NUBPL: variants seen among roughly 807,000 people sequenced by gnomAD.
NUBPL encodes the protein NUBP iron-sulfur cluster assembly factor, mitochondrial, also known as iron-sulfur cluster transfer protein NUBPL.
Under a neutral mutation model 45.7 loss-of-function variants are expected in NUBPL, and 31 were observed. The observed-to-expected ratio is 0.68, with a 90% confidence interval of 0.51 to 0.92. The LOEUF (loss-of-function observed/expected upper bound fraction) is 0.92. Among genes scored for constraint, NUBPL ranks in the 40% least tolerant of loss-of-function variants. NUBPL has a pLI of 0.00. For synonymous variants in NUBPL, 144 were observed against 140.9 expected (o/e 1.02, Z -0.15); for missense variants, 401 against 398.7 (o/e 1.01, Z -0.05).
intron 6 of NUBPL, among the ~76,000 whole-genome samples, chr14:31,734,102 T>C (rs1378881699): frequency 2.0e-5 from 3 of 152,222 alleles, no homozygotes; most frequent in Admixed American, 2.0e-4. Context: ...TAAATCATTT[T>C]GTCATGATGT....
At chr14:31,763,216 T>C (rs1202650034) in intron 6 of NUBPL, among the ~76,000 whole-genome samples, 1 of 152,040 alleles carries the variant, frequency 6.6e-6, no homozygotes, top group Non-Finnish European at 1.5e-5. Flanking sequence ...GGTTGGAGGG[T>C]GTGGAAGGTC....
intron 6 of NUBPL, among the ~76,000 whole-genome samples, chr14:31,752,938 G>T (rs930482030): frequency 6.6e-6 from 1 of 152,230 alleles, no homozygotes; most frequent in African/African-American, 2.4e-5. Context: ...AGAGAGAGAA[G>T]GGGGAAGTGC....
intron 6 of NUBPL, among the ~76,000 whole-genome samples, chr14:31,718,079 ACTG>A (rs1482580308): frequency 6.6e-6 from 1 of 152,182 alleles, no homozygotes; most frequent in African/African-American, 2.4e-5. Flanking sequence ...AGAGTCACTA[ACTG>A]GTATCCTAAA....
At chr14:31,607,459 G>A (rs752340287) in intron 4 of NUBPL, among the ~76,000 whole-genome samples, 31 of 151,496 alleles carry the variant, frequency 2.0e-4, no homozygotes, top group African/African-American at 7.3e-4. Context: ...CAAAATAGCT[G>A]TGTGAGGAAA....
chr14:31,799,248 C>CT (rs940533681), intron 7 of NUBPL, among the ~76,000 whole-genome samples: 50 of 152,036 alleles, frequency 3.3e-4, no homozygotes, highest in African/African-American at 1.1e-3. Context: ...CAAAAAAATC[C>CT]TTTTTTATAG....
intron 4 of NUBPL, among the ~76,000 whole-genome samples, chr14:31,670,186 G>A (rs183315980): frequency 5.3e-5 from 8 of 152,226 alleles, no homozygotes; most frequent in Admixed American, 3.3e-4. Flanking sequence ...ACTGGTGTGA[G>A]TTGGTATCTC....
intron 7 of NUBPL, among the ~76,000 whole-genome samples, chr14:31,795,292 G>T (rs2039462251): frequency 6.9e-6 from 1 of 144,388 alleles, no homozygotes; most frequent in Non-Finnish European, 1.5e-5. Flanking sequence ...GCTTGATGGG[G>T]ATGGCATTGA....
intron 6 of NUBPL, 117 bp from the exon 7 acceptor site, chr14:31,787,663 G>T (rs2039307798): frequency 4.1e-6 from 3 of 723,812 alleles, no homozygotes; most frequent in South Asian, 1.6e-5. Context: ...CTTGTACCTA[G>T]CAATGGCTCA....
intron 7 of NUBPL, among the ~76,000 whole-genome samples, chr14:31,792,701 GA>G (rs368282879): frequency 6.6e-5 from 10 of 150,892 alleles, no homozygotes; most frequent in Non-Finnish European, 1.2e-4. Flanking sequence ...AACAAAAAAA[GA>G]AAAAAAAAGT....
chr14:31,587,193 G>A (rs1159100659), intron 3 of NUBPL, among the ~76,000 whole-genome samples: 2 of 152,156 alleles, frequency 1.3e-5, no homozygotes, highest in Non-Finnish European at 2.9e-5. Flanking sequence ...TGCCCGGGTG[G>A]TTCTGATACA....
chr14:31,665,808 C>T (rs2036394499), intron 4 of NUBPL, among the ~76,000 whole-genome samples: 2 of 152,060 alleles, frequency 1.3e-5, no homozygotes, highest in South Asian at 2.1e-4. Flanking sequence ...TCTTGTTGAT[C>T]TGTCTAGTAT....
In NUBPL at chr14:31,802,422, C is replaced by T. The variant is rs147475697; in HGVS notation, c.607+14549C>T. 1.9e-3 allele frequency among the ~76,000 whole-genome samples: 296 copies of T among 152,072 alleles called. 1 individual carries two copies. The highest frequency in any genetic ancestry group is 6.7e-3 in the African/African-American group (278 of 41,472). ...TCCTGAGTAGCTGGGACTACAGGCG[C>T]GTGCCACCATGCCTGGCTAATTTTT... On this transcript the variant is annotated intron_variant, in intron 7 of 10. Transcript: ENST00000281081.
At chr14:31,668,760 A>G (rs1464683133) in intron 4 of NUBPL, among the ~76,000 whole-genome samples, 1 of 152,198 alleles carries the variant, frequency 6.6e-6, no homozygotes, top group African/African-American at 2.4e-5. Context: ...GCCGGATGGC[A>G]CAGTCCCTCA....
chr14:31,603,504 ATATT>A (rs1419369442), intron 4 of NUBPL, among the ~76,000 whole-genome samples: 3 of 151,958 alleles, frequency 2.0e-5, no homozygotes, highest in Non-Finnish European at 2.9e-5. Context: ...TTACTCCTGT[ATATT>A]TATTGGATTA....
chr14:31,745,747 A>T (rs1189149891), intron 6 of NUBPL, among the ~76,000 whole-genome samples: 5 of 151,972 alleles, frequency 3.3e-5, no homozygotes, highest in African/African-American at 1.2e-4. Flanking sequence ...AGGTCAGGGC[A>T]TGGAAAAATA....
chr14:31,696,165 A>T (rs1438622642), intron 6 of NUBPL, among the ~76,000 whole-genome samples: 1 of 152,180 alleles, frequency 6.6e-6, no homozygotes, highest in African/African-American at 2.4e-5. Context: ...TTCTAACCCA[A>T]CACCCAGGGA....
chr14:31,679,959 A>C (rs752456720), intron 6 of NUBPL, among the ~76,000 whole-genome samples: 1 of 152,042 alleles, frequency 6.6e-6, no homozygotes, highest in Non-Finnish European at 1.5e-5. Flanking sequence ...CTTTTGTTAG[A>C]TATATCTTTT....
chr14:31,658,372 T>C (rs1319082623), intron 4 of NUBPL, among the ~76,000 whole-genome samples: 1 of 152,180 alleles, frequency 6.6e-6, no homozygotes, highest in South Asian at 2.1e-4. Context: ...CCATATGCAG[T>C]ATGTCATATA....
At chr14:31,825,828 C>T in intron 7 of NUBPL, among the ~76,000 whole-genome samples, 1 of 150,322 alleles carries the variant, frequency 6.7e-6, no homozygotes. Context: ...CCTTCTTCTT[C>T]TTCTTGTTTC....
Sources: gnomAD v4.1 joint callset for allele counts (sites outside exome capture counted in the v4.1 genomes callset) on GRCh38, gnomAD v4.1.1 for gene constraint, MANE v1.5 for transcripts, NCBI Gene and HGNC (gene_info 2026-07-23, HGNC 2026-07-21) for gene names.